LEKR1: variants seen among roughly 807,000 people sequenced by gnomAD.
LEKR1 encodes the protein leucine, glutamate and lysine rich 1.
In LEKR1, 59 loss-of-function variants were observed where a neutral mutation model predicts 72.4. That is an observed-to-expected ratio of 0.82 (90% confidence interval 0.66 to 1.01). The LOEUF (loss-of-function observed/expected upper bound fraction) is 1.01, where lower values mean the gene tolerates loss of function less well. LEKR1 is among the 50% of genes least tolerant of loss of function. The probability of loss-of-function intolerance (pLI) is 0.00; values close to 1 mark genes in which losing one functional copy is unlikely to be tolerated. For synonymous variants in LEKR1, 257 were observed against 263.2 expected, an observed-to-expected ratio of 0.98 and a Z score of 0.23; for missense variants, 728 against 759.2, an observed-to-expected ratio of 0.96 and a Z score of 0.48.
At chr3:156,899,276 A>ATATATACATATATACATACACACATG (rs1721541137) in intron 3 of LEKR1, among the ~76,000 whole-genome samples, 4 of 146,792 alleles carry the variant, frequency 2.7e-5, no homozygotes, top group Admixed American at 1.4e-4. Context: ...ACACACATGT[A>ATATATACATATATACATACACACATG]TATATATACA....
chr3:156,948,648 G>A (rs1726889391), intron 6 of LEKR1, among the ~76,000 whole-genome samples: 1 of 151,288 alleles, frequency 6.6e-6, no homozygotes, highest in Admixed American at 6.6e-5. Context: ...ATGTGTCTTT[G>A]TGGTAGAATG....
At chr3:156,897,443 G>A (rs1032539343) in intron 3 of LEKR1, among the ~76,000 whole-genome samples, 2 of 148,310 alleles carry the variant, frequency 1.3e-5, no homozygotes, top group Non-Finnish European at 3.0e-5. Context: ...GTGCAGCTTG[G>A]TTTTATACAT....
chr3:157,014,974 C>T (rs1480692981), intron 10 of LEKR1, among the ~76,000 whole-genome samples: 1 of 152,056 alleles, frequency 6.6e-6, no homozygotes, highest in Non-Finnish European at 1.5e-5. Flanking sequence ...ACCAAATTTA[C>T]CCTCCTACCT....
intron 3 of LEKR1, among the ~76,000 whole-genome samples, chr3:156,876,726 G>C (rs1324227102): frequency 6.6e-6 from 1 of 152,154 alleles, no homozygotes; most frequent in African/African-American, 2.4e-5. Context: ...TTTTGGATGA[G>C]TCTTTAGGGT....
At chr3:156,913,374 T>G (rs1723296117) in intron 3 of LEKR1, among the ~76,000 whole-genome samples, 1 of 152,196 alleles carries the variant, frequency 6.6e-6, no homozygotes, top group Non-Finnish European at 1.5e-5. Flanking sequence ...CCTAGGTATT[T>G]CCTTTTTCTG....
At chr3:157,026,447 A>G (rs1024599332) in intron 11 of LEKR1, among the ~76,000 whole-genome samples, 14 of 152,116 alleles carry the variant, frequency 9.2e-5, no homozygotes, top group African/African-American at 3.4e-4. Context: ...ATAAAAACAT[A>G]TTTGTGGTTA....
intron 6 of LEKR1, among the ~76,000 whole-genome samples, chr3:156,953,849 A>G (rs1727388157): frequency 6.6e-6 from 1 of 151,792 alleles, no homozygotes; most frequent in Admixed American, 6.6e-5. Flanking sequence ...GTATTTTTAT[A>G]CTAGAATTAT....
intron 3 of LEKR1, among the ~76,000 whole-genome samples, chr3:156,869,118 A>G (rs1484837124): frequency 6.6e-6 from 1 of 152,086 alleles, no homozygotes; most frequent in African/African-American, 2.4e-5. Context: ...AGTTAGGTTG[A>G]TTCCATATCT....
chr3:156,927,007 A>G (rs533641764), intron 4 of LEKR1, among the ~76,000 whole-genome samples: 1 of 151,960 alleles, frequency 6.6e-6, no homozygotes, highest in East Asian at 1.9e-4. Flanking sequence ...ATTTATTATT[A>G]CCCCAGATTT....
chr3:156,873,699 T>A, intron 3 of LEKR1, among the ~76,000 whole-genome samples: 1 of 152,024 alleles, frequency 6.6e-6, no homozygotes, highest in East Asian at 1.9e-4. Flanking sequence ...ATGAATTCCC[T>A]CAGCTTTTGC....
At position 156,999,277 on chromosome 3, in the gene LEKR1, A is replaced by C. The variant is rs150150469; in HGVS notation, c.1109+6000A>C. 3.0e-3 allele frequency among the ~76,000 whole-genome samples: 454 copies of C among 152,286 alleles called. 3 individuals carry two copies. Among genetic ancestry groups the C allele is most frequent in the Admixed American group, 4.8e-3 (73 of 15,294 alleles). ...CACTCACTTCAGAAAAGTATACACA[A>C]AACCCAGCACATTATTTCAAGAGGT... is the stretch of plus-strand genomic sequence containing the variant. On this transcript the variant is annotated intron_variant, in intron 9 of 12. Transcript: ENST00000356539.
At chr3:156,968,992 A>G (rs1480246830) in intron 6 of LEKR1, among the ~76,000 whole-genome samples, 4 of 152,226 alleles carry the variant, frequency 2.6e-5, no homozygotes, top group Non-Finnish European at 5.9e-5. Context: ...CTGCTCAACT[A>G]TATGGAAACT....
intron 6 of LEKR1, among the ~76,000 whole-genome samples, chr3:156,970,912 G>T (rs1198380580): frequency 6.6e-6 from 1 of 151,902 alleles, no homozygotes; most frequent in Non-Finnish European, 1.5e-5. Flanking sequence ...TGGCCATACT[G>T]CCCAAGGTAA....
intron 3 of LEKR1, among the ~76,000 whole-genome samples, chr3:156,893,053 G>A (rs73025901): frequency 0.02 from 2,974 of 152,242 alleles, 107 homozygotes; most frequent in African/African-American, 0.067. Context: ...TGTTCTTGAG[G>A]GGCTCTGGAA....
At chr3:156,862,247 A>G (rs1037493345) in intron 3 of LEKR1, among the ~76,000 whole-genome samples, 3 of 152,014 alleles carry the variant, frequency 2.0e-5, no homozygotes, top group Non-Finnish European at 4.4e-5. Context: ...CTTTTTAATC[A>G]GCAGTTTCAG....
chr3:156,924,015 C>G (rs1049233058), intron 4 of LEKR1, among the ~76,000 whole-genome samples: 1 of 152,206 alleles, frequency 6.6e-6, no homozygotes, highest in African/African-American at 2.4e-5. Flanking sequence ...GCGTGAGCTA[C>G]CGCGCCCTGC....
intron 2 of LEKR1, among the ~76,000 whole-genome samples, chr3:156,846,287 T>C (rs1224789659): frequency 6.6e-6 from 1 of 152,144 alleles, no homozygotes; most frequent in Non-Finnish European, 1.5e-5. Context: ...TTTTTCCTTC[T>C]AATATGTATG....
chr3:156,913,901 T>C (rs1723343388), intron 3 of LEKR1, among the ~76,000 whole-genome samples: 1 of 152,206 alleles, frequency 6.6e-6, no homozygotes, highest in Admixed American at 6.5e-5. Context: ...TAGGAGAAAA[T>C]GATAAAATAA....
At chr3:156,969,993 A>G (rs565551996) in intron 6 of LEKR1, among the ~76,000 whole-genome samples, 3 of 152,226 alleles carry the variant, frequency 2.0e-5, no homozygotes, top group Admixed American at 1.3e-4. Context: ...AACATAATCC[A>G]GCATATAAAC....
Sources: gnomAD v4.1 joint callset for allele counts (sites outside exome capture counted in the v4.1 genomes callset) on GRCh38, gnomAD v4.1.1 for gene constraint, MANE v1.5 for transcripts, NCBI Gene and HGNC (gene_info 2026-07-23, HGNC 2026-07-21) for gene names.